Variants in RNF17 observed in about 807,000 individuals in gnomAD.
The protein encoded by RNF17 is spermatogenesis associated 23.
In RNF17, 31 loss-of-function variants were observed where a neutral mutation model predicts 200.5. That is an observed-to-expected ratio of 0.15 (90% CI 0.12 to 0.21). The LOEUF (loss-of-function observed/expected upper bound fraction) is 0.21. Ranked by LOEUF, RNF17 falls within the 10% of genes least tolerant of loss-of-function variation. RNF17 has a pLI of 1.00. For synonymous variants in RNF17, 606 were observed against 637.8 expected (o/e 0.95, Z 0.75); for missense variants, 1,628 against 1,905.1 (o/e 0.85, Z 2.71).
intron 6 of RNF17, among the ~76,000 whole-genome samples, chr13:24,786,217 A>G (rs190747335): frequency 3.2e-3 from 486 of 152,252 alleles, no homozygotes; most frequent in African/African-American, 0.011. Context: ...ACCCATAAGG[A>G]TTACATATAA....
chr13:24,789,638 C>T (rs6490979), intron 8 of RNF17, 60 bp from the exon 9 acceptor site: 1,145,349 of 1,152,706 alleles, frequency 0.99, 569,142 homozygotes, highest in Non-Finnish European at 1. Context: ...TGATTTTTGT[C>T]TAGAGAACAT....
chr13:24,792,665 G>T (rs901676267), intron 9 of RNF17, among the ~76,000 whole-genome samples: 1 of 152,212 alleles, frequency 6.6e-6, no homozygotes, highest in Non-Finnish European at 1.5e-5. Flanking sequence ...GGAAGAGGCA[G>T]ATAAACATGC....
At chr13:24,842,979 TC>T (rs1890817726) in intron 19 of RNF17, among the ~76,000 whole-genome samples, 1 of 150,470 alleles carries the variant, frequency 6.6e-6, no homozygotes, top group African/African-American at 2.5e-5. Context: ...AGAGCAAGAC[TC>T]TGTCTAAAAA....
intron 27 of RNF17, among the ~76,000 whole-genome samples, chr13:24,862,081 G>A (rs1293113160): frequency 6.6e-6 from 1 of 152,124 alleles, no homozygotes; most frequent in Non-Finnish European, 1.5e-5. Flanking sequence ...AATCAGCATG[G>A]GGGAAACTGC....
chr13:24,835,867 G>A (rs1197260857), intron 18 of RNF17, among the ~76,000 whole-genome samples: 1 of 152,210 alleles, frequency 6.6e-6, no homozygotes, highest in Non-Finnish European at 1.5e-5. Flanking sequence ...TAGTTATTAA[G>A]CTAATCAGGG....
At chr13:24,811,375 G>A (rs1263389889) in intron 15 of RNF17, among the ~76,000 whole-genome samples, 3 of 151,550 alleles carry the variant, frequency 2.0e-5, no homozygotes, top group Admixed American at 6.6e-5. Context: ...TTCCCTTCTC[G>A]CTTCATTTCA....
chr13:24,769,427 C>T lies in RNF17; in HGVS notation c.225+2061C>T, dbSNP rs142303430. On this transcript the variant is annotated intron_variant, in intron 2 of 35. Coordinates refer to ENST00000255324, the MANE Select transcript of RNF17 (RefSeq NM_031277.3). ...CCTATTCCCCCATCCCCACACCCAC[C>T]TACTGTTAGCCGAGGTAATTGACAA... Among the ~76,000 whole-genome samples, 561 of 152,276 alleles carry T rather than the reference C, an allele frequency of 3.7e-3. 2 individuals carry two copies. The highest frequency in any genetic ancestry group is 0.013 in the African/African-American group (543 of 41,566).
chr13:24,761,565 T>C (rs1190704796), upstream of RNF17, among the ~76,000 whole-genome samples: 1 of 152,216 alleles, frequency 6.6e-6, no homozygotes, highest in Non-Finnish European at 1.5e-5. Flanking sequence ...GTTTATCTCA[T>C]TTCTCAGCTG....
At chr13:24,841,433 C>G (rs1439098891) in intron 18 of RNF17, among the ~76,000 whole-genome samples, 1 of 152,148 alleles carries the variant, frequency 6.6e-6, no homozygotes, top group Non-Finnish European at 1.5e-5. Context: ...TACAACAAAA[C>G]ACTTCTTCAA....
At chr13:24,817,992 C>A (rs1459738926) in intron 15 of RNF17, among the ~76,000 whole-genome samples, 1 of 151,976 alleles carries the variant, frequency 6.6e-6, no homozygotes, top group African/African-American at 2.4e-5. Context: ...TAGTTAGGTT[C>A]TTAATTTGCA....
At chr13:24,883,312 C>G (rs1953917219), downstream of RNF17, 1 of 1,613,856 alleles carries the variant, frequency 6.2e-7, no homozygotes, top group African/African-American at 1.3e-5. Flanking sequence ...GTCTCTTGAA[C>G]TGGGCAGTAT....
chr13:24,783,056 T>C (rs1259211535), intron 6 of RNF17, among the ~76,000 whole-genome samples: 1 of 152,190 alleles, frequency 6.6e-6, no homozygotes, highest in Non-Finnish European at 1.5e-5. Flanking sequence ...GATCCATCTT[T>C]AGTTAATTTT....
At chr13:24,789,025 C>G (rs1883500031) in intron 7 of RNF17, among the ~76,000 whole-genome samples, 1 of 152,084 alleles carries the variant, frequency 6.6e-6, no homozygotes, top group African/African-American at 2.4e-5. Flanking sequence ...AAAATTTGGT[C>G]TTTATCCTAG....
At chr13:24,774,768 A>C (rs1331018914) in intron 2 of RNF17, 45 bp from the exon 3 acceptor site, 5 of 1,277,992 alleles carry the variant, frequency 3.9e-6, no homozygotes, top group Middle Eastern at 1.9e-4. Flanking sequence ...GATAGGCATA[A>C]TTTATTGGGT....
chr13:24,822,372 G>A (rs779514687), intron 15 of RNF17, among the ~76,000 whole-genome samples: 4 of 152,030 alleles, frequency 2.6e-5, no homozygotes, highest in Admixed American at 6.6e-5. Flanking sequence ...AAACCTTGCC[G>A]AGGACTCCTT....
rs779103574 is a variant in RNF17, at chr13:24,800,506, C to T, written c.1730C>T (p.Ser577Leu). ...ATCCAGCCATTAGCACAACCATGCT[C>T]ATTGAAAGACATTGTTCCACAGAAT... The part of the protein sequence containing the change: ...KDIQPLAQPC[S>L]LKDIVPQNSN... The change falls in exon 13 of 36, where the codon TCA (serine) becomes TTA (leucine). Residue 577 changes from serine (S) to leucine (L), a missense_variant. Physicochemically the swap from Ser to Leu is moderately radical, Grantham distance 145. This residue lies in a region of RNF17 where 289 missense variants were observed against 384.9 expected (regional missense o/e 0.75). Transcript: ENST00000255324. 2 of 1,613,012 alleles carry T rather than the reference C, an allele frequency of 1.2e-6. No homozygotes were observed. Among genetic ancestry groups the T allele is most frequent in the Non-Finnish European group, 1.7e-6 (2 of 1,179,514 alleles).
chr13:24,824,619 G>C (rs913407791), intron 15 of RNF17, among the ~76,000 whole-genome samples: 3 of 152,078 alleles, frequency 2.0e-5, no homozygotes, highest in African/African-American at 7.2e-5. Context: ...CATTTAATAA[G>C]AGAAAAGTCT....
At chr13:24,798,887 C>G (rs182314355) in intron 11 of RNF17, among the ~76,000 whole-genome samples, 2 of 152,206 alleles carry the variant, frequency 1.3e-5, no homozygotes, top group East Asian at 3.9e-4. Context: ...CCACTGGGTG[C>G]CAATAATTTT....
rs192681730 is a variant in RNF17 at position 24,822,128 on chromosome 13, G to A, written c.2092-3491G>A. Among the ~76,000 whole-genome samples the A allele has an allele frequency of 3.3e-5, 5 of 152,238 alleles. No homozygotes were observed. The East Asian group carries it at 5.8e-4, about 18-fold the overall frequency. ...GTCAGGTTTGATGTTTACATAGCAC[G>A]CCAGAAAGGCTGGCCACCCCACCCT... On this transcript the variant is annotated intron_variant, in intron 15 of 35. Transcript: ENST00000255324.
Sources: allele counts gnomAD v4.1 joint callset (sites outside exome capture counted in the v4.1 genomes callset), GRCh38; gene constraint gnomAD v4.1.1; regional missense constraint gnomAD v4.1.1; transcripts MANE v1.5; gene names NCBI Gene and HGNC (gene_info 2026-07-23, HGNC 2026-07-21).